Variants in SIN3B observed in about 807,000 individuals in gnomAD.
The protein encoded by SIN3B is SIN3 transcription regulator family member B.
Under a neutral mutation model 120.2 loss-of-function variants are expected in SIN3B, and 19 were observed. That is an observed-to-expected ratio of 0.16 (90% CI 0.11 to 0.23). SIN3B has a LOEUF of 0.23. SIN3B is among the 10% of genes least tolerant of loss of function. The pLI is 1.00. For synonymous variants in SIN3B, 654 were observed against 653.2 expected (o/e 1.00, Z -0.02); for missense variants, 1,073 against 1,573.0 (o/e 0.68, Z 5.38).
chr19:16,849,667 C>T (rs942294162), intron 5 of SIN3B, among the ~76,000 whole-genome samples: 1 of 152,204 alleles, frequency 6.6e-6, no homozygotes, highest in Non-Finnish European at 1.5e-5. Context: ...GGAAGATCTG[C>T]TATACCTGCT....
chr19:16,831,475 C>T lies in SIN3B; in HGVS notation c.228-19C>T. On this transcript the variant is annotated intron_variant, in intron 2 of 18. Transcript: ENST00000248054. ...TTATTTCCCAAGACCCTTTTGCCCA[C>T]TTCCGTTGTTTCTTCTAGCATCGAT... 1 of 1,611,340 alleles carries T rather than the reference C, an allele frequency of 6.2e-7. No individual in the cohort carries two copies. Among genetic ancestry groups the T allele is most frequent in the Non-Finnish European group, 8.5e-7 (1 of 1,178,244 alleles).
At chr19:16,877,943 G>A (rs952160082) in intron 17 of SIN3B, among the ~76,000 whole-genome samples, 1 of 152,158 alleles carries the variant, frequency 6.6e-6, no homozygotes, top group African/African-American at 2.4e-5. Context: ...AGAGGCGGGT[G>A]GCTGTGGCAG....
At chr19:16,865,372 C>T (rs1156365830) in intron 10 of SIN3B, 38 bp from the exon 11 acceptor site, 2 of 1,353,592 alleles carry the variant, frequency 1.5e-6, no homozygotes, top group East Asian at 3.0e-5. Context: ...CTCTTGAGTT[C>T]CCCAGTGGCT....
Position 16,862,312 on chromosome 19 carries a change from C to T in SIN3B, c.1059-40C>T, listed in dbSNP as rs763434025. ...AATCTCCAGATCCCTCTCAGAAGGC[C>T]CTGGGGATGACCAGTTACCATGTGT... is the stretch of plus-strand genomic sequence containing the variant. On this transcript the variant is annotated intron_variant, in intron 8 of 18. Transcript: ENST00000248054. The surrounding 1 kb of genome is among the most constrained non-coding windows in gnomAD (Gnocchi z 4.7). The T allele has an allele frequency of 5.9e-6, 9 of 1,536,550 alleles. 1 individual carries two copies. In the South Asian group the frequency reaches 9.1e-5, roughly 15 times the overall value.
chr19:16,851,937 A>G lies in SIN3B; in HGVS notation c.849+403A>G, dbSNP rs575696866. The stretch of plus-strand genomic sequence containing the variant: ...GCTCCTGTCACGCCTTTCACCTGCA[A>G]TGGTGGTTTTCCGATTCCATTATTC... On this transcript the variant is annotated intron_variant, in intron 6 of 18. Transcript: ENST00000248054. Among the ~76,000 whole-genome samples, 12 of 152,286 alleles carry G rather than the reference A, an allele frequency of 7.9e-5. 1 individual carries two copies. Among genetic ancestry groups the G allele is most frequent in the African/African-American group, 1.7e-4 (7 of 41,564 alleles).
At chr19:16,863,536 T>G in intron 9 of SIN3B, 144 bp from the exon 10 acceptor site, 1 of 663,646 alleles carries the variant, frequency 1.5e-6, no homozygotes, top group Non-Finnish European at 2.8e-6. Context: ...CTTAAAAACT[T>G]TATGCACCTT....
intron 7 of SIN3B, among the ~76,000 whole-genome samples, chr19:16,853,725 C>T (rs750563656): frequency 1.2e-4 from 17 of 141,066 alleles, no homozygotes; most frequent in Non-Finnish European, 2.0e-4. Flanking sequence ...GTGAATTGCA[C>T]GGATCACATG....
chr19:16,841,377 C>T (rs1473968585), intron 3 of SIN3B, among the ~76,000 whole-genome samples: 1 of 152,152 alleles, frequency 6.6e-6, no homozygotes, highest in African/African-American at 2.4e-5. Context: ...TGCCTTTCCA[C>T]GTGAAAGCAA....
At position 16,878,894 on chromosome 19, in the gene SIN3B, C is replaced by T; in HGVS notation, c.*167C>T. The T allele has an allele frequency of 1.5e-6, 1 of 655,256 alleles. No individual in the cohort carries two copies. The highest frequency in any genetic ancestry group is 2.6e-6 in the Non-Finnish European group (1 of 387,882). 40.6% of individuals were successfully genotyped at this position (655,256 alleles called of 1,614,324 possible). A position where few individuals can be genotyped will look rare whatever the true frequency, so the allele number is the denominator to read the frequency against. On this transcript the variant is annotated 3_prime_UTR_variant, in exon 19 of 19. Transcript: ENST00000248054. Reference sequence around the variant, plus strand: ...ACGCCGCCCCCGTGGCTCCCGGTCTCCTGTGGGCCTGCTGTGTGCCAAACC... The same window carrying T: ...ACGCCGCCCCCGTGGCTCCCGGTCTTCTGTGGGCCTGCTGTGTGCCAAACC...
At chr19:16,874,266 T>A (rs2051551786) in intron 14 of SIN3B, among the ~76,000 whole-genome samples, 1 of 152,222 alleles carries the variant, frequency 6.6e-6, no homozygotes, top group South Asian at 2.1e-4. Context: ...CCGGGCAGGG[T>A]TTGCTGGTCT....
chr19:16,864,765 A>C (rs1311376440), intron 10 of SIN3B, among the ~76,000 whole-genome samples: 1 of 150,632 alleles, frequency 6.6e-6, no homozygotes, highest in African/African-American at 2.4e-5. Flanking sequence ...CTGAGGTGGG[A>C]GGACTGCTTG....
At chr19:16,866,613 C>T (rs1009717322) in intron 12 of SIN3B, 57 bp downstream of exon 12, 42 of 1,547,710 alleles carry the variant, frequency 2.7e-5, no homozygotes, top group South Asian at 7.8e-5. Flanking sequence ...CTCTCCCGAC[C>T]GCCGGGTCTG....
At chr19:16,859,420 C>T (rs974589517) in intron 8 of SIN3B, among the ~76,000 whole-genome samples, 3 of 152,132 alleles carry the variant, frequency 2.0e-5, no homozygotes. Context: ...CTTTTCCTTC[C>T]CTTACCAGGG....
chr19:16,857,889 T>G (rs1301630274), intron 8 of SIN3B, among the ~76,000 whole-genome samples: 1 of 152,024 alleles, frequency 6.6e-6, no homozygotes. Flanking sequence ...TTTCTTTTCT[T>G]TTTTTGAGAC....
chr19:16,842,020 G>C (rs79827331), intron 4 of SIN3B, 52 bp downstream of exon 4: 37,020 of 1,385,272 alleles, frequency 0.027, 603 homozygotes, highest in Non-Finnish European at 0.033. Context: ...ATCCAGTTTG[G>C]GGCCCTGCAG....
chr19:16,851,918 G>C (rs1971551332), intron 6 of SIN3B, among the ~76,000 whole-genome samples: 1 of 152,248 alleles, frequency 6.6e-6, no homozygotes, highest in Non-Finnish European at 1.5e-5. Context: ...TCCAGCTCCT[G>C]TCACGCCTTT....
intron 3 of SIN3B, among the ~76,000 whole-genome samples, 171 bp from the exon 4 acceptor site, chr19:16,841,597 C>T (rs1971417406): frequency 1.3e-5 from 2 of 152,096 alleles, no homozygotes. Context: ...CACCTGTGCA[C>T]CCCGCCCTGC....
At chr19:16,867,098 C>T (rs567884250) in intron 12 of SIN3B, among the ~76,000 whole-genome samples, 3 of 152,310 alleles carry the variant, frequency 2.0e-5, no homozygotes, top group South Asian at 4.1e-4. Context: ...TCCCGTGGGG[C>T]AGTGATGGAC....
chr19:16,843,444 G>T (rs974534121), intron 4 of SIN3B, among the ~76,000 whole-genome samples: 2 of 152,354 alleles, frequency 1.3e-5, no homozygotes, highest in East Asian at 1.9e-4. Context: ...TCTGTGAGAG[G>T]CTGGTACAGC....
Sources: allele counts gnomAD v4.1 joint callset (sites outside exome capture counted in the v4.1 genomes callset), GRCh38; gene constraint gnomAD v4.1.1; non-coding constraint Gnocchi (gnomAD v3.1); transcripts MANE v1.5; gene names NCBI Gene and HGNC (gene_info 2026-07-23, HGNC 2026-07-21).